DCC: variants seen among roughly 807,000 people sequenced by gnomAD.
DCC encodes the protein netrin receptor DCC.
DCC carries 58 observed loss-of-function variants against 172.5 expected under a neutral mutation model. That is an observed-to-expected ratio of 0.34 (90% CI 0.27 to 0.42). The LOEUF is 0.42. Ranked by LOEUF, DCC falls within the 10% of genes least tolerant of loss-of-function variation. The probability of loss-of-function intolerance (pLI) is 1.00; values close to 1 mark genes in which losing one functional copy is unlikely to be tolerated. For synonymous variants in DCC, 709 were observed against 644.5 expected, an observed-to-expected ratio of 1.10 and a Z score of -1.52; for missense variants, 1,740 against 1,791.0, an observed-to-expected ratio of 0.97 and a Z score of 0.51.
intron 12 of DCC, among the ~76,000 whole-genome samples, chr18:53,261,191 G>C (rs761281684): frequency 6.6e-6 from 1 of 152,118 alleles, no homozygotes; most frequent in Non-Finnish European, 1.5e-5. Context: ...CTCACATTCA[G>C]TGTGCTGCAC....
At chr18:53,296,028 T>A (rs1354885636) in intron 12 of DCC, among the ~76,000 whole-genome samples, 1 of 152,188 alleles carries the variant, frequency 6.6e-6, no homozygotes, top group Non-Finnish European at 1.5e-5. Context: ...AGTTTCTCAA[T>A]AAGTATTCAT....
intron 26 of DCC, among the ~76,000 whole-genome samples, chr18:53,492,721 T>C (rs921723024): frequency 2.6e-5 from 4 of 152,106 alleles, no homozygotes; most frequent in Admixed American, 1.3e-4. Flanking sequence ...TTGTAGAATA[T>C]TTTGAAGTCA....
At chr18:53,163,468 A>T (rs764250133) in intron 8 of DCC, among the ~76,000 whole-genome samples, 9 of 152,296 alleles carry the variant, frequency 5.9e-5, no homozygotes, top group Middle Eastern at 6.8e-3. Context: ...TTGTTTGTTC[A>T]TGTAGGTTTA....
intron 25 of DCC, among the ~76,000 whole-genome samples, chr18:53,474,157 T>G (rs2045733029): frequency 6.6e-6 from 1 of 152,264 alleles, no homozygotes; most frequent in African/African-American, 2.4e-5. Context: ...ATGTACCCAA[T>G]GGAAATATAT....
intron 5 of DCC, among the ~76,000 whole-genome samples, chr18:53,017,318 C>T (rs1319366218): frequency 1.3e-5 from 2 of 152,114 alleles, no homozygotes; most frequent in Non-Finnish European, 2.9e-5. Context: ...TTTTGCGTAA[C>T]AACTTCCAGT....
intron 1 of DCC, among the ~76,000 whole-genome samples, chr18:52,452,949 A>G (rs1448898419): frequency 2.0e-5 from 3 of 152,250 alleles, no homozygotes; most frequent in African/African-American, 4.8e-5. Context: ...GACTAGATAT[A>G]AAAACAGAAT....
At chr18:53,336,663 A>G (rs1370822155) in intron 14 of DCC, among the ~76,000 whole-genome samples, 1 of 152,190 alleles carries the variant, frequency 6.6e-6, no homozygotes, top group Non-Finnish European at 1.5e-5. Flanking sequence ...ACCAGCCTGA[A>G]CAACATAGCA....
At chr18:52,481,122 C>G (rs901699866) in intron 1 of DCC, among the ~76,000 whole-genome samples, 1 of 152,130 alleles carries the variant, frequency 6.6e-6, no homozygotes, top group African/African-American at 2.4e-5. Flanking sequence ...AGCAAACATA[C>G]TTATTGAGGT....
chr18:53,448,117 G>A (rs1365040365), intron 22 of DCC, among the ~76,000 whole-genome samples: 1 of 138,816 alleles, frequency 7.2e-6, no homozygotes, highest in African/African-American at 2.7e-5. Context: ...CGTCATTTCA[G>A]TTTTGAGGCA....
At chr18:53,391,561 AC>A in intron 16 of DCC, 93 bp from the exon 17 acceptor site, 1 of 807,776 alleles carries the variant, frequency 1.2e-6, no homozygotes, top group Admixed American at 1.8e-5. Context: ...CATGCATTTA[AC>A]TCATTGTGAT....
At chr18:53,396,109 T>TAA (rs11419804) in intron 17 of DCC, among the ~76,000 whole-genome samples, 11 of 147,906 alleles carry the variant, frequency 7.4e-5, no homozygotes, top group East Asian at 3.9e-4. Context: ...GTAGTAGAAT[T>TAA]AAAAAAAAAA....
At chr18:52,965,711 A>T (rs2040918315) in intron 5 of DCC, among the ~76,000 whole-genome samples, 1 of 152,182 alleles carries the variant, frequency 6.6e-6, no homozygotes, top group Admixed American at 6.5e-5. Context: ...TATCCCACAC[A>T]CACATTTTTA....
intron 2 of DCC, among the ~76,000 whole-genome samples, chr18:52,826,618 CTG>C (rs1025689996): frequency 9.2e-5 from 14 of 152,050 alleles, no homozygotes; most frequent in African/African-American, 3.1e-4. Context: ...GTAGCTGGGA[CTG>C]TGCGTGAGCC....
intron 5 of DCC, among the ~76,000 whole-genome samples, chr18:53,019,628 A>G (rs940669522): frequency 6.6e-6 from 1 of 152,148 alleles, no homozygotes; most frequent in African/African-American, 2.4e-5. Flanking sequence ...CAGGATATAT[A>G]TCACATTATC....
intron 5 of DCC, among the ~76,000 whole-genome samples, chr18:52,955,475 A>C (rs1056616735): frequency 3.9e-5 from 6 of 152,034 alleles, no homozygotes; most frequent in African/African-American, 1.4e-4. Context: ...GTTGTTTCCA[A>C]ATTTTGGCAA....
chr18:52,963,951 G>T (rs1016246520), intron 5 of DCC, among the ~76,000 whole-genome samples: 2 of 151,918 alleles, frequency 1.3e-5, no homozygotes, highest in Non-Finnish European at 2.9e-5. Context: ...AGGCTTGAGA[G>T]ATTTTAAAAA....
At chr18:52,750,468 T>G (rs1186369087) in intron 1 of DCC, among the ~76,000 whole-genome samples, 1 of 152,232 alleles carries the variant, frequency 6.6e-6, no homozygotes, top group East Asian at 1.9e-4. Flanking sequence ...TAGAGTTATG[T>G]GCTCACCATT....
intron 21 of DCC, among the ~76,000 whole-genome samples, chr18:53,418,949 T>C (rs1049272098): frequency 1.3e-5 from 2 of 152,170 alleles, no homozygotes; most frequent in Non-Finnish European, 2.9e-5. Flanking sequence ...AATTCTCCTT[T>C]TTTGCATCAC....
chr18:52,931,658 A>G (rs1392837201), intron 5 of DCC: 2 of 152,156 alleles, frequency 1.3e-5, no homozygotes, highest in African/African-American at 4.8e-5. Context: ...TTCCATAATC[A>G]TTAAGCTTTT....
Sources: gnomAD v4.1 joint callset for allele counts (sites outside exome capture counted in the v4.1 genomes callset) on GRCh38, gnomAD v4.1.1 for gene constraint, MANE v1.5 for transcripts, NCBI Gene and HGNC (gene_info 2026-07-23, HGNC 2026-07-21) for gene names.